The following CLIP2 variants were observed in gnomAD, a reference collection of about 807,000 sequenced individuals.
The protein encoded by CLIP2 is CAP-Gly domain containing linker protein 2, also known as CAP-Gly domain-containing linker protein 2.
CLIP2 carries 41 observed loss-of-function variants against 111.7 expected under a neutral mutation model. The ratio of observed to expected loss-of-function variants is 0.37; its 90% CI spans 0.29 to 0.48. CLIP2 has a LOEUF of 0.48. Ranked by LOEUF, CLIP2 falls within the 20% of genes least tolerant of loss-of-function variation. The pLI, the probability that CLIP2 is intolerant of heterozygous loss-of-function variation, is 0.99. For synonymous variants in CLIP2, 660 were observed against 644.2 expected (o/e 1.02, Z -0.37); for missense variants, 1,160 against 1,422.1 (o/e 0.82, Z 2.96).
Position 74,338,350 on chromosome 7 carries a change from A to G in CLIP2, c.122-98A>G, listed in dbSNP as rs782565487. Reference sequence around the variant, plus strand: ...AACCCCATCTCTACCCAAAAATACAAATCAGCCACCTCCCAACCCTAGACT... The same window carrying G: ...AACCCCATCTCTACCCAAAAATACAGATCAGCCACCTCCCAACCCTAGACT... On this transcript the variant is annotated intron_variant, in intron 2 of 16. Coordinates refer to ENST00000223398, the MANE Select transcript of CLIP2 (RefSeq NM_003388.5). The surrounding 1 kb of genome is among the most constrained non-coding windows in gnomAD (Gnocchi z 4.3). 88 of 1,316,570 alleles carry G rather than the reference A, an allele frequency of 6.7e-5. No individual in the cohort carries two copies. The highest frequency in any genetic ancestry group is 8.4e-5 in the Non-Finnish European group (82 of 973,858). The allele number at this position is 1,316,570 out of a possible 1,614,324, so 81.6% of individuals were successfully genotyped here. A position where few individuals can be genotyped will look rare whatever the true frequency, so the allele number is the denominator to read the frequency against.
intron 2 of CLIP2, among the ~76,000 whole-genome samples, chr7:74,318,876 G>A (rs1554729575): frequency 6.6e-6 from 1 of 152,122 alleles, no homozygotes; most frequent in Non-Finnish European, 1.5e-5. Context: ...AACACAGCTG[G>A]GGCCAGACTG....
chr7:74,373,599 TC>T (rs1414315138), intron 9 of CLIP2, among the ~76,000 whole-genome samples: 1 of 152,104 alleles, frequency 6.6e-6, no homozygotes, highest in African/African-American at 2.4e-5. Context: ...GGGACTTGGC[TC>T]CCCAGCTTAT....
chr7:74,310,443 G>C lies in CLIP2; in HGVS notation c.-67-7037G>C, dbSNP rs1270673580. On this transcript the variant is annotated intron_variant, in intron 1 of 16. Transcript: ENST00000223398. Reference sequence around the variant, plus strand: ...AAGCTGAGGTGGGAGGATCACTTGAGCCCAGGAACTTCCAGGCTGCAGTGA... The same window carrying C: ...AAGCTGAGGTGGGAGGATCACTTGACCCCAGGAACTTCCAGGCTGCAGTGA... Among the ~76,000 whole-genome samples, 5 of 152,092 alleles carry C rather than the reference G, an allele frequency of 3.3e-5. No homozygotes were observed. In the East Asian group the frequency reaches 7.7e-4, roughly 24 times the overall value.
Position 74,403,852 on chromosome 7 carries a change from T to G in CLIP2, c.*4T>G. ...CTCTCTCTAGGACAAGCACTGATCC[T>G]GAGGGGATACTGTGGAGCAGCCCAG... On this transcript the variant is annotated 3_prime_UTR_variant, in exon 17 of 17. Transcript: ENST00000223398. 6.2e-7 allele frequency: 1 copy of G among 1,613,250 alleles called. No homozygotes were observed. Among genetic ancestry groups the G allele is most frequent in the Non-Finnish European group, 8.5e-7 (1 of 1,179,834 alleles).
intron 1 of CLIP2, among the ~76,000 whole-genome samples, chr7:74,307,567 C>T (rs183666938): frequency 7.5e-4 from 114 of 152,214 alleles, no homozygotes; most frequent in East Asian, 4.8e-3. Context: ...CTCGGCTCAC[C>T]ACAACCTCCG....
At chr7:74,309,227 G>A (rs1196638237) in intron 1 of CLIP2, among the ~76,000 whole-genome samples, 1 of 151,146 alleles carries the variant, frequency 6.6e-6, no homozygotes, top group Non-Finnish European at 1.5e-5. Context: ...TGTAATCCCA[G>A]CACTTGGGGA....
At chr7:74,347,600 C>G (rs573047833) in intron 3 of CLIP2, among the ~76,000 whole-genome samples, 16 of 152,340 alleles carry the variant, frequency 1.1e-4, no homozygotes, top group South Asian at 2.1e-4. Flanking sequence ...CCCTTACCCC[C>G]ACGCGGCTCC....
At chr7:74,342,324 C>T (rs1433871267) in intron 3 of CLIP2, among the ~76,000 whole-genome samples, 1 of 151,540 alleles carries the variant, frequency 6.6e-6, no homozygotes, top group African/African-American at 2.4e-5. Context: ...TGCAGAGAGC[C>T]GAGATCACGC....
chr7:74,327,690 C>T (rs564215524), intron 2 of CLIP2, among the ~76,000 whole-genome samples: 18 of 152,236 alleles, frequency 1.2e-4, no homozygotes, highest in African/African-American at 3.4e-4. Flanking sequence ...GGCATCAGGA[C>T]GGGGAAGCCA....
intron 2 of CLIP2, among the ~76,000 whole-genome samples, chr7:74,318,986 GA>G (rs1788869242): frequency 6.6e-6 from 1 of 152,174 alleles, no homozygotes; most frequent in African/African-American, 2.4e-5. Flanking sequence ...TGGGCAGCGT[GA>G]AAGGGCGAGG....
intron 1 of CLIP2, among the ~76,000 whole-genome samples, chr7:74,315,235 C>T (rs1164964846): frequency 6.6e-6 from 1 of 152,038 alleles, no homozygotes; most frequent in Non-Finnish European, 1.5e-5. Context: ...GAGATGCTGT[C>T]ACTGCGCTCT....
At position 74,397,657 on chromosome 7, in the gene CLIP2, G is replaced by GTTTT. The variant is rs1221589920; in HGVS notation, c.2880+429_2880+432dup. ...CAAGCCTGGGATTCTGGGTGGCTGA[G>GTTTT]TTTTTTTTGTTTTTTTTTTTTTTTT... On this transcript the variant is annotated intron_variant, in intron 14 of 16. Transcript: ENST00000223398. 2.7e-4 allele frequency among the ~76,000 whole-genome samples: 31 copies of GTTTT among 113,438 alleles called. 1 individual carries two copies. The highest frequency in any genetic ancestry group is 3.3e-4 in the African/African-American group (9 of 27,268). The allele number at this position is 113,438 out of a possible 152,430, so 74.4% of individuals were successfully genotyped here.
intron 1 of CLIP2, among the ~76,000 whole-genome samples, chr7:74,313,779 T>C (rs229874): frequency 0.6 from 91,306 of 151,896 alleles, 29,920 homozygotes; most frequent in Non-Finnish European, 0.74. Flanking sequence ...AGCCACAGCC[T>C]AGGCCCTGAG....
In CLIP2 at chr7:74,376,476, C is replaced by T; in HGVS notation, c.2075C>T (p.Ala692Val). The part of the protein sequence containing the change: ...KEALREKLQE[A>V]QEELAGLQRH... ...GCCCTGCGAGAGAAGCTGCAGGAGG[C>T]CCAGGAGGAGCTGGCTGGGCTGCAG... Residue 692 changes from alanine to valine, a missense_variant, in exon 10 of 17, where the codon GCC (alanine) becomes GTC (valine). By Grantham distance (64) the Ala-to-Val change is moderately conservative. Transcript: ENST00000223398. This position sits in a 1 kb window ranked among gnomAD's most constrained non-coding sequence, Gnocchi z 7.1. 1.9e-6 allele frequency: 3 copies of T among 1,613,088 alleles called. No individual in the cohort carries two copies. Among genetic ancestry groups the T allele is most frequent in the Admixed American group, 3.3e-5 (2 of 59,954 alleles).
chr7:74,381,572 C>T (rs567929679), intron 11 of CLIP2: 10 of 455,654 alleles, frequency 2.2e-5, no homozygotes, highest in Non-Finnish European at 4.4e-5. Flanking sequence ...CTATTCTTCC[C>T]TCCCTGAAGG....
At chr7:74,305,691 G>A (rs1166762751) in intron 1 of CLIP2, among the ~76,000 whole-genome samples, 1 of 151,948 alleles carries the variant, frequency 6.6e-6, no homozygotes, top group African/African-American at 2.4e-5. Flanking sequence ...ATGGGGTTTC[G>A]CCATGTTGCC....
chr7:74,367,011 C>T (rs1156521928), intron 8 of CLIP2, among the ~76,000 whole-genome samples: 51 of 152,208 alleles, frequency 3.4e-4, no homozygotes. Flanking sequence ...GTCCCTGCCT[C>T]CTGTCACTTT....
intron 8 of CLIP2, among the ~76,000 whole-genome samples, chr7:74,367,879 C>A (rs1790502955): frequency 6.6e-6 from 1 of 152,074 alleles, no homozygotes; most frequent in Admixed American, 6.6e-5. Context: ...GAGTTTGAGA[C>A]CAGCCTGGGC....
chr7:74,354,768 CA>C (rs1291337108), intron 4 of CLIP2, among the ~76,000 whole-genome samples: 1 of 150,956 alleles, frequency 6.6e-6, no homozygotes, highest in Non-Finnish European at 1.5e-5. Flanking sequence ...AAGACTGTCT[CA>C]AAAAAAATAA....
Sources: allele counts gnomAD v4.1 joint callset (sites outside exome capture counted in the v4.1 genomes callset), GRCh38; gene constraint gnomAD v4.1.1; non-coding constraint Gnocchi (gnomAD v3.1); transcripts MANE v1.5; gene names NCBI Gene and HGNC (gene_info 2026-07-23, HGNC 2026-07-21).